Variants in PCDHA8 observed in about 807,000 individuals in gnomAD.
The protein encoded by PCDHA8 is protocadherin alpha 8.
Under a neutral mutation model 61.8 loss-of-function variants are expected in PCDHA8, and 53 were observed. That is an observed-to-expected ratio of 0.86 (90% CI 0.69 to 1.08). The LOEUF is 1.08. Among genes scored for constraint, PCDHA8 ranks in the 50% least tolerant of loss-of-function variants. The probability of loss-of-function intolerance (pLI) is 0.00; values close to 1 mark genes in which losing one functional copy is unlikely to be tolerated. For synonymous variants in PCDHA8, 618 were observed against 556.6 expected, an observed-to-expected ratio of 1.11 and a Z score of -1.55; for missense variants, 1,293 against 1,245.0, an observed-to-expected ratio of 1.04 and a Z score of -0.58.
At chr5:140,970,802 AC>A (rs1407360459) in intron 1 of PCDHA8, among the ~76,000 whole-genome samples, 1 of 152,216 alleles carries the variant, frequency 6.6e-6, no homozygotes, top group Non-Finnish European at 1.5e-5. Flanking sequence ...CCATATTGTT[AC>A]ATTTCAAGTT....
At chr5:140,844,971 G>A (rs2150375443) in intron 1 of PCDHA8, among the ~76,000 whole-genome samples, 3 of 149,220 alleles carry the variant, frequency 2.0e-5, no homozygotes, top group Admixed American at 6.7e-5. Context: ...TTTGTTATTA[G>A]TATTGTTTTA....
intron 1 of PCDHA8, chr5:140,967,421 C>T (rs2096138629): frequency 6.2e-7 from 1 of 1,613,120 alleles, no homozygotes; most frequent in Non-Finnish European, 8.5e-7. Context: ...AGACCGGGAG[C>T]AGGCAGCCTT....
intron 1 of PCDHA8, chr5:140,877,311 G>C (rs200978234): frequency 6.3e-5 from 101 of 1,613,852 alleles, no homozygotes; most frequent in Non-Finnish European, 7.9e-5. Context: ...AGTTGCAACC[G>C]GCGGCGGTCG....
chr5:140,851,635 T>C (rs2042114429), intron 1 of PCDHA8: 8 of 917,242 alleles, frequency 8.7e-6, no homozygotes, highest in Non-Finnish European at 1.1e-5. Flanking sequence ...AACAAGTGTT[T>C]CCTTTCTTCA....
At chr5:140,862,662 C>A (rs1365074780) in intron 1 of PCDHA8, 3 of 546,742 alleles carry the variant, frequency 5.5e-6, no homozygotes, top group South Asian at 1.4e-5. Flanking sequence ...GGGACCGGGA[C>A]GCGCAGGAGA....
chr5:140,883,080 A>G, intron 1 of PCDHA8: 1 of 1,614,140 alleles, frequency 6.2e-7, no homozygotes, highest in Non-Finnish European at 8.5e-7. Flanking sequence ...GATCCTGATG[A>G]TGGTACAAAT....
chr5:140,994,988 A>G (rs781915746), intron 3 of PCDHA8, among the ~76,000 whole-genome samples: 3 of 152,166 alleles, frequency 2.0e-5, no homozygotes, highest in Non-Finnish European at 4.4e-5. Flanking sequence ...ACCCACTAGA[A>G]GGTTAGTTGG....
intron 1 of PCDHA8, chr5:140,868,465 T>A (rs1460620913): frequency 6.6e-6 from 1 of 152,416 alleles, no homozygotes; most frequent in Non-Finnish European, 1.5e-5. Context: ...AGAGCTGCTT[T>A]TATAAAACTT....
chr5:140,882,404 G>T, intron 1 of PCDHA8: 1 of 1,614,152 alleles, frequency 6.2e-7, no homozygotes, highest in Non-Finnish European at 8.5e-7. Context: ...CACCTTCGTG[G>T]GCCGCATCGC....
intron 1 of PCDHA8, chr5:140,876,925 CAGA>C: frequency 6.2e-7 from 1 of 1,613,838 alleles, no homozygotes; most frequent in Non-Finnish European, 8.5e-7. Context: ...CGCGGACGCG[CAGA>C]AGAACGCGCT....
rs200722492 is a variant in PCDHA8, at chr5:140,856,425, A to T, written c.2394+12710A>T. ...GTGGACGTGGAAGTGAAGGACATTAACGACAACCCGCCCAGGTTCTCCGTA... is the reference window on the plus strand; with the variant it reads ...GTGGACGTGGAAGTGAAGGACATTATCGACAACCCGCCCAGGTTCTCCGTA... On this transcript the variant is annotated intron_variant, in intron 1 of 3. Transcript: ENST00000531613. The T allele has an allele frequency of 2.3e-5, 37 of 1,598,204 alleles. 1 individual carries two copies. The highest frequency in any genetic ancestry group is 1.9e-4 in the Admixed American group (11 of 59,214).
At chr5:140,984,730 T>C (rs956611464) in intron 3 of PCDHA8, among the ~76,000 whole-genome samples, 4 of 152,186 alleles carry the variant, frequency 2.6e-5, no homozygotes, top group Non-Finnish European at 4.4e-5. Context: ...ATTAAGATTA[T>C]GATTTAGAGT....
At chr5:140,924,895 AAAAAAAAAAATAAAATAAAATAAAAT>A (rs1157767234) in intron 1 of PCDHA8, among the ~76,000 whole-genome samples, 8 of 132,230 alleles carry the variant, frequency 6.1e-5, no homozygotes, top group East Asian at 2.1e-4. Flanking sequence ...AACCTGTCTC[AAAAAAAAAAATAAAATAAAATAAAAT>A]AAAATAAAAT....
rs1479171365 is a variant in PCDHA8, at chr5:140,869,633, A to AT, written c.2394+25923dup. 9 of 1,613,494 alleles carry AT rather than the reference A, an allele frequency of 5.6e-6. No homozygotes were observed. In the African/African-American group the frequency reaches 8.0e-5, roughly 14 times the overall value. On this transcript the variant is annotated intron_variant, in intron 1 of 3. Coordinates refer to ENST00000531613, the MANE Select transcript of PCDHA8 (RefSeq NM_018911.3). ...ACCTACAGGCTAAGTAAAAATGAGT[A>AT]TTTTTCTTTAGATTCACCAACAAAT...
chr5:140,968,363 G>T (rs1448494733), intron 1 of PCDHA8: 1 of 1,614,090 alleles, frequency 6.2e-7, no homozygotes, highest in East Asian at 2.2e-5. Context: ...CAGCCTTTAT[G>T]CTGTCAACTC....
intron 1 of PCDHA8, among the ~76,000 whole-genome samples, chr5:140,885,206 A>G (rs1304868227): frequency 1.3e-5 from 2 of 152,038 alleles, no homozygotes; most frequent in Non-Finnish European, 2.9e-5. Context: ...CATATATCCC[A>G]TGAAAAATAT....
intron 1 of PCDHA8, chr5:140,850,778 C>G (rs371734141): frequency 6.3e-7 from 1 of 1,597,940 alleles, no homozygotes; most frequent in Non-Finnish European, 8.6e-7. Context: ...TGTGCTCTGG[C>G]GAGGGTAAGC....
At chr5:140,905,144 A>G (rs2071622994) in intron 1 of PCDHA8, among the ~76,000 whole-genome samples, 2 of 152,130 alleles carry the variant, frequency 1.3e-5, no homozygotes, top group African/African-American at 2.4e-5. Context: ...TTCTGCTGTT[A>G]TATTTTAGAA....
At chr5:141,001,097 T>TC (rs1554257999) in intron 3 of PCDHA8, among the ~76,000 whole-genome samples, 1 of 152,114 alleles carries the variant, frequency 6.6e-6, no homozygotes, top group Non-Finnish European at 1.5e-5. Flanking sequence ...AACTGTCTAA[T>TC]CCATAATAAG....
Sources: gnomAD v4.1 joint callset for allele counts (sites outside exome capture counted in the v4.1 genomes callset) on GRCh38, gnomAD v4.1.1 for gene constraint, MANE v1.5 for transcripts, NCBI Gene and HGNC (gene_info 2026-07-23, HGNC 2026-07-21) for gene names.